The following SLC41A3 variants were observed in gnomAD, a reference collection of about 807,000 sequenced individuals.
SLC41A3 encodes the protein solute carrier family 41 member 3, also known as SLC41A1-like 2.
Under a neutral mutation model 45.4 loss-of-function variants are expected in SLC41A3, and 44 were observed. That is an observed-to-expected ratio of 0.97 (90% confidence interval 0.76 to 1.25). The LOEUF (loss-of-function observed/expected upper bound fraction) is 1.25, where lower values mean the gene tolerates loss of function less well. Ranked by LOEUF, SLC41A3 falls within the 50% of genes most tolerant of loss-of-function variation. The pLI is 0.00. For synonymous variants in SLC41A3, 256 were observed against 252.4 expected (o/e 1.01, Z -0.13); for missense variants, 550 against 600.6 (o/e 0.92, Z 0.88).
At chr3:126,015,461 C>T (rs527506583) in intron 8 of SLC41A3, 33 bp downstream of exon 8, 1 of 1,610,990 alleles carries the variant, frequency 6.2e-7, no homozygotes, top group Admixed American at 1.7e-5. Flanking sequence ...CTACCCAACC[C>T]AGGGACCACA....
At chr3:126,089,707 G>T (rs556030702) in intron 1 of SLC41A3, among the ~76,000 whole-genome samples, 3 of 152,318 alleles carry the variant, frequency 2.0e-5, no homozygotes, top group South Asian at 2.1e-4. Context: ...AGAATTTCCA[G>T]TTGAGGGCCA....
At chr3:126,066,953 T>C (rs1944374034) in intron 2 of SLC41A3, among the ~76,000 whole-genome samples, 1 of 152,178 alleles carries the variant, frequency 6.6e-6, no homozygotes, top group African/African-American at 2.4e-5. Context: ...TAAATAAATA[T>C]GAATTTCGCC....
chr3:126,030,066 T>C (rs1286466014), intron 4 of SLC41A3, among the ~76,000 whole-genome samples: 3 of 146,990 alleles, frequency 2.0e-5, no homozygotes, highest in Non-Finnish European at 4.5e-5. Flanking sequence ...ATAAAAACTA[T>C]TTCAAAAAAT....
At chr3:126,057,457 T>A (rs1943744066) in intron 2 of SLC41A3, among the ~76,000 whole-genome samples, 1 of 152,210 alleles carries the variant, frequency 6.6e-6, no homozygotes, top group African/African-American at 2.4e-5. Flanking sequence ...AGGAACAGAA[T>A]GTTCAGGCCT....
chr3:126,007,976 T>A (rs576882731), intron 10 of SLC41A3, among the ~76,000 whole-genome samples: 1 of 152,352 alleles, frequency 6.6e-6, no homozygotes, highest in Non-Finnish European at 1.5e-5. Context: ...TCCTTCACCA[T>A]GCTTACTGCT....
intron 1 of SLC41A3, among the ~76,000 whole-genome samples, chr3:126,091,703 A>C (rs1013349717): frequency 6.6e-6 from 1 of 152,188 alleles, no homozygotes; most frequent in East Asian, 1.9e-4. Flanking sequence ...AGACATGGAA[A>C]GGGAAGGGGA....
chr3:126,080,227 G>A (rs1475494422), intron 1 of SLC41A3, among the ~76,000 whole-genome samples: 1 of 152,002 alleles, frequency 6.6e-6, no homozygotes. Context: ...ATTACATCAA[G>A]CTAAAAAGTT....
intron 2 of SLC41A3, 68 bp from the exon 3 acceptor site, chr3:126,051,118 A>G (rs1338281183): frequency 6.9e-7 from 1 of 1,455,790 alleles, no homozygotes; most frequent in Non-Finnish European, 9.1e-7. Context: ...ATTTCTTGAG[A>G]GAACCTTCAG....
intron 2 of SLC41A3, among the ~76,000 whole-genome samples, chr3:126,066,241 G>T (rs1944340593): frequency 6.6e-6 from 1 of 152,244 alleles, no homozygotes. Flanking sequence ...ACAGCAGTGA[G>T]GAACTGAGGC....
intron 4 of SLC41A3, among the ~76,000 whole-genome samples, chr3:126,032,121 G>A (rs964388044): frequency 2.0e-5 from 3 of 152,220 alleles, no homozygotes; most frequent in East Asian, 1.9e-4. Flanking sequence ...GAAGATGCAC[G>A]GCAGGGAGGT....
chr3:126,077,715 G>C (rs978308230), intron 1 of SLC41A3, among the ~76,000 whole-genome samples: 1 of 152,240 alleles, frequency 6.6e-6, no homozygotes, highest in Non-Finnish European at 1.5e-5. Context: ...GGATTCAGGA[G>C]GAGCTGACGG....
chr3:126,007,248 C>T (rs374211046), intron 10 of SLC41A3, 23 bp from the exon 11 acceptor site: 2 of 1,610,468 alleles, frequency 1.2e-6, no homozygotes, highest in East Asian at 2.2e-5. Flanking sequence ...CAAAGAGACA[C>T]AAAAGAAGAC....
intron 1 of SLC41A3, among the ~76,000 whole-genome samples, chr3:126,068,664 T>C (rs1490754754): frequency 2.6e-5 from 4 of 152,184 alleles, no homozygotes; most frequent in African/African-American, 7.2e-5. Flanking sequence ...CTTTGTAACA[T>C]TCAAGATGCT....
chr3:126,092,989 G>T (rs1206403129), intron 1 of SLC41A3, among the ~76,000 whole-genome samples: 1 of 152,146 alleles, frequency 6.6e-6, no homozygotes, highest in Non-Finnish European at 1.5e-5. Flanking sequence ...CAGGATACTG[G>T]GTGAAAAGTA....
intron 1 of SLC41A3, among the ~76,000 whole-genome samples, chr3:126,090,467 G>A (rs1289088177): frequency 6.6e-6 from 1 of 152,196 alleles, no homozygotes; most frequent in Non-Finnish European, 1.5e-5. Context: ...GTTTTTTAAA[G>A]TGTAGATTAA....
chr3:126,057,564 C>T (rs565501917), intron 2 of SLC41A3, among the ~76,000 whole-genome samples: 213 of 152,324 alleles, frequency 1.4e-3, no homozygotes, highest in African/African-American at 4.7e-3. Context: ...CACTTCCACT[C>T]CCATCCCTAA....
Position 126,023,008 on chromosome 3 carries a change from AG to A in SLC41A3, c.599-77del, listed in dbSNP as rs1316726662. The stretch of plus-strand genomic sequence containing the variant: ...TGGCTCTGAGCAGGCACAGCAGCAC[AG>A]GGATGGGCGGCACTGAGTAGGGACT... On this transcript the variant is annotated intron_variant, in intron 5 of 10. Transcript: ENST00000360370. The A allele has an allele frequency of 3.8e-6, 6 of 1,580,134 alleles. No homozygotes were observed. The African/African-American group carries it at 6.7e-5, about 18-fold the overall frequency.
chr3:126,014,808 C>A (rs1940106975), intron 8 of SLC41A3, among the ~76,000 whole-genome samples: 2 of 152,194 alleles, frequency 1.3e-5, no homozygotes, highest in African/African-American at 4.8e-5. Flanking sequence ...TGATCACTTC[C>A]ATTTACAGAA....
intron 6 of SLC41A3, among the ~76,000 whole-genome samples, chr3:126,021,415 C>A (rs1401799879): frequency 6.6e-6 from 1 of 152,186 alleles, no homozygotes; most frequent in Non-Finnish European, 1.5e-5. Context: ...TTAAATTTCA[C>A]CATCTTGCCC....
Sources: allele counts gnomAD v4.1 joint callset (sites outside exome capture counted in the v4.1 genomes callset), GRCh38; gene constraint gnomAD v4.1.1; transcripts MANE v1.5; gene names NCBI Gene and HGNC (gene_info 2026-07-23, HGNC 2026-07-21).